GABRB3: variants seen among roughly 807,000 people sequenced by gnomAD.
GABRB3 encodes gamma-aminobutyric acid receptor subunit beta-3.
GABRB3 carries 14 observed loss-of-function variants against 52.1 expected under a neutral mutation model. The ratio of observed to expected loss-of-function variants is 0.27; its 90% CI spans 0.18 to 0.42. GABRB3 has a LOEUF of 0.42. Ranked by LOEUF, GABRB3 falls within the 10% of genes least tolerant of loss-of-function variation. The pLI is 1.00. For synonymous variants in GABRB3, 260 were observed against 232.3 expected, an observed-to-expected ratio of 1.12 and a Z score of -1.08; for missense variants, 307 against 609.1, an observed-to-expected ratio of 0.50 and a Z score of 5.22.
At chr15:26,599,221 C>T (rs919853018) in intron 4 of GABRB3, among the ~76,000 whole-genome samples, 3 of 152,174 alleles carry the variant, frequency 2.0e-5, no homozygotes, top group Non-Finnish European at 4.4e-5. Flanking sequence ...CTCAATGACC[C>T]CACCTGGTAA....
intron 3 of GABRB3, among the ~76,000 whole-genome samples, chr15:26,757,113 C>G (rs1271165530): frequency 6.6e-6 from 1 of 152,072 alleles, no homozygotes; most frequent in Admixed American, 6.6e-5. Flanking sequence ...GCAAGATATC[C>G]CAGTCTCCCA....
At chr15:26,618,135 T>C (rs1012590676) in intron 4 of GABRB3, among the ~76,000 whole-genome samples, 15 of 152,088 alleles carry the variant, frequency 9.9e-5, no homozygotes, top group Non-Finnish European at 1.8e-4. Context: ...AAGCTACCAA[T>C]GACTTTCTTC....
chr15:26,664,917 C>G (rs948490781), intron 3 of GABRB3, among the ~76,000 whole-genome samples: 1 of 151,900 alleles, frequency 6.6e-6, no homozygotes, highest in African/African-American at 2.4e-5. Flanking sequence ...TCAGGCTGGT[C>G]TCAAACTCCC....
At chr15:26,764,129 A>G (rs12901698) in intron 3 of GABRB3, among the ~76,000 whole-genome samples, 23,252 of 127,626 alleles carry the variant, frequency 0.18, 2,276 homozygotes, top group Admixed American at 0.32. Flanking sequence ...CAGCCTGGGC[A>G]ACAGTGAGAG....
At chr15:26,578,597 G>A (rs977235543) in intron 6 of GABRB3, among the ~76,000 whole-genome samples, 2 of 152,318 alleles carry the variant, frequency 1.3e-5, no homozygotes, top group East Asian at 1.9e-4. Context: ...GGTCCCCCAC[G>A]GAAGCAGCAT....
rs1889262414 is a variant in GABRB3 at position 26,546,823 on chromosome 15, A to C, written c.*970T>G. 1 of 152,032 alleles carries C rather than the reference A, an allele frequency of 6.6e-6. No individual in the cohort carries two copies. The allele number at this position is 152,032 out of a possible 1,614,324, so 9.4% of individuals were successfully genotyped here. A position where few individuals can be genotyped will look rare whatever the true frequency, so the allele number is the denominator to read the frequency against. On this transcript the variant is annotated 3_prime_UTR_variant, in exon 9 of 9. Transcript: ENST00000311550. ...TAACATACAATGTTATAAGAATGATAACATAACTGCAAGGGGGAAAATCAT... is the reference window on the plus strand; with the variant it reads ...TAACATACAATGTTATAAGAATGATCACATAACTGCAAGGGGGAAAATCAT...
intron 3 of GABRB3, among the ~76,000 whole-genome samples, chr15:26,655,679 T>C (rs1887350193): frequency 6.6e-6 from 1 of 151,762 alleles, no homozygotes; most frequent in Admixed American, 6.6e-5. Context: ...GAGGTGGAGT[T>C]TGCAGTCAGC....
intron 3 of GABRB3, among the ~76,000 whole-genome samples, chr15:26,669,362 T>C (rs1887816376): frequency 6.6e-6 from 1 of 152,204 alleles, no homozygotes; most frequent in African/African-American, 2.4e-5. Flanking sequence ...CCTCATTTGC[T>C]TATTGGGGAT....
At chr15:26,645,845 CA>C (rs1893332687) in intron 3 of GABRB3, among the ~76,000 whole-genome samples, 1 of 152,092 alleles carries the variant, frequency 6.6e-6, no homozygotes, top group Non-Finnish European at 1.5e-5. Context: ...AAGCTTACTA[CA>C]GCCTCAAACT....
chr15:26,713,021 G>A (rs1889351386), intron 3 of GABRB3, among the ~76,000 whole-genome samples: 1 of 152,214 alleles, frequency 6.6e-6, no homozygotes, highest in African/African-American at 2.4e-5. Flanking sequence ...ATGCCACCAT[G>A]GGGGAGTTCC....
chr15:26,619,515 T>C (rs1468216739), intron 4 of GABRB3, among the ~76,000 whole-genome samples: 2 of 107,370 alleles, frequency 1.9e-5, no homozygotes, highest in Non-Finnish European at 1.8e-5. Context: ...CTGGGGACTG[T>C]TGTGGGGTGG....
chr15:26,670,467 C>T (rs993685030), intron 3 of GABRB3, among the ~76,000 whole-genome samples: 4 of 152,076 alleles, frequency 2.6e-5, no homozygotes, highest in Non-Finnish European at 5.9e-5. Flanking sequence ...GCCGCCAAGG[C>T]GCGGCTTCGG....
At chr15:26,637,084 G>C (rs1893082161) in intron 3 of GABRB3, among the ~76,000 whole-genome samples, 1 of 152,158 alleles carries the variant, frequency 6.6e-6, no homozygotes. Flanking sequence ...CCTAAGTAAA[G>C]CCTAAGTCAA....
intron 7 of GABRB3, among the ~76,000 whole-genome samples, chr15:26,561,856 C>A (rs1412731888): frequency 2.0e-5 from 3 of 152,232 alleles, no homozygotes; most frequent in Non-Finnish European, 2.9e-5. Context: ...TGTACACAAG[C>A]TGCTTAGGAA....
At position 26,667,296 on chromosome 15, in the gene GABRB3, T is replaced by C. The variant is rs28696193; in HGVS notation, c.241-45762A>G. ...AGCCTCCCAGGACTTGTGGGGACCA[T>C]AGATGTTGGCAGTGGAGTTTTCTTA... is the stretch of plus-strand genomic sequence containing the variant. On this transcript the variant is annotated intron_variant, in intron 3 of 8. Transcript: ENST00000311550. Among the ~76,000 whole-genome samples the C allele has an allele frequency of 5.4e-3, 826 of 152,246 alleles. 6 individuals carry two copies. Among genetic ancestry groups the C allele is most frequent in the African/African-American group, 0.019 (785 of 41,544 alleles).
At chr15:26,565,753 T>C (rs1322007557) in intron 7 of GABRB3, among the ~76,000 whole-genome samples, 2 of 152,154 alleles carry the variant, frequency 1.3e-5, no homozygotes, top group Non-Finnish European at 2.9e-5. Flanking sequence ...ACCCCACCCC[T>C]TGTGATGTCA....
chr15:26,614,175 T>G (rs1273603887), intron 4 of GABRB3: 1 of 152,188 alleles, frequency 6.6e-6, no homozygotes, highest in Admixed American at 6.5e-5. Context: ...AGGCAAAGAA[T>G]GAGCCAACAG....
intron 3 of GABRB3, among the ~76,000 whole-genome samples, chr15:26,727,515 C>T (rs1038254093): frequency 3.3e-5 from 5 of 152,182 alleles, no homozygotes; most frequent in Non-Finnish European, 5.9e-5. Context: ...TAAGCACTTT[C>T]TTACTTTCTG....
At chr15:26,770,074 C>A (rs1398103694) in intron 3 of GABRB3, among the ~76,000 whole-genome samples, 1 of 152,146 alleles carries the variant, frequency 6.6e-6, no homozygotes, top group Non-Finnish European at 1.5e-5. Context: ...TTAACCATTG[C>A]TCTATTTGAG....
Sources: allele counts gnomAD v4.1 joint callset (sites outside exome capture counted in the v4.1 genomes callset), GRCh38; gene constraint gnomAD v4.1.1; transcripts MANE v1.5; gene names NCBI Gene and HGNC (gene_info 2026-07-23, HGNC 2026-07-21).